Variants in DOK6 observed in about 807,000 individuals in gnomAD.
The protein encoded by DOK6 is downstream of tyrosine kinase 6.
A neutral mutation model predicts 44.0 loss-of-function variants in DOK6; 22 were observed. The ratio of observed to expected loss-of-function variants is 0.50; its 90% CI spans 0.36 to 0.71. The LOEUF (loss-of-function observed/expected upper bound fraction) is 0.71, where lower values mean the gene tolerates loss of function less well. DOK6 is among the 30% of genes least tolerant of loss of function. The pLI, the probability that DOK6 is intolerant of heterozygous loss-of-function variation, is 0.00. For synonymous variants in DOK6, 166 were observed against 145.5 expected, an observed-to-expected ratio of 1.14 and a Z score of -1.01; for missense variants, 340 against 416.4, an observed-to-expected ratio of 0.82 and a Z score of 1.60.
chr18:69,706,399 A>T (rs1475217382), intron 5 of DOK6, among the ~76,000 whole-genome samples: 1 of 152,184 alleles, frequency 6.6e-6, no homozygotes, highest in African/African-American at 2.4e-5. Flanking sequence ...TTACAACCGA[A>T]AGTTTTCTAA....
chr18:69,600,548 C>T (rs1205540017), intron 3 of DOK6, among the ~76,000 whole-genome samples: 10 of 152,060 alleles, frequency 6.6e-5, no homozygotes, highest in African/African-American at 2.4e-4. Context: ...TACCCCCTGT[C>T]CCAACCTTGC....
intron 1 of DOK6, among the ~76,000 whole-genome samples, chr18:69,438,311 G>C (rs1180917912): frequency 6.6e-6 from 1 of 152,176 alleles, no homozygotes; most frequent in Admixed American, 6.5e-5. Flanking sequence ...TTCATCATGA[G>C]TAGATTCCAT....
Position 69,528,188 on chromosome 18 carries a change from C to T in DOK6, c.67-36299C>T, listed in dbSNP as rs527475706. Among the ~76,000 whole-genome samples the T allele has an allele frequency of 5.0e-4, 75 of 151,350 alleles. 1 individual carries two copies. The highest frequency in any genetic ancestry group is 1.8e-3 in the African/African-American group (75 of 41,300). ...AAAAAAAAAAAAAAAAAAGCTTCAC[C>T]TTACAGATGCAGAAACTAAGATGCA... On this transcript the variant is annotated intron_variant, in intron 1 of 7. Coordinates refer to ENST00000382713, the MANE Select transcript of DOK6 (RefSeq NM_152721.6).
At chr18:69,787,859 C>T (rs1980479262) in intron 7 of DOK6, among the ~76,000 whole-genome samples, 1 of 152,184 alleles carries the variant, frequency 6.6e-6, no homozygotes, top group Non-Finnish European at 1.5e-5. Context: ...TGCAATTAAT[C>T]TGCTTTCTCC....
At chr18:69,687,844 A>T (rs1568333790) in intron 4 of DOK6, among the ~76,000 whole-genome samples, 1 of 152,166 alleles carries the variant, frequency 6.6e-6, no homozygotes, top group Non-Finnish European at 1.5e-5. Flanking sequence ...TTCTAATCAA[A>T]CTTTTTACTG....
rs1410206466 is a variant in DOK6 at position 69,811,529 on chromosome 18, T to TAC, written c.857-29714_857-29713insCA. On this transcript the variant is annotated intron_variant, in intron 7 of 7. Transcript: ENST00000382713. ...AGCTTGATTTAACCATTCCATTATA[T>TAC]ATATATATATATATATATATATATA... is the stretch of plus-strand genomic sequence containing the variant. Among the ~76,000 whole-genome samples the TAC allele has an allele frequency of 3.9e-3, 33 of 8,420 alleles. 2 individuals are homozygous for TAC. The highest frequency in any genetic ancestry group is 7.7e-3 in the African/African-American group (32 of 4,144). The allele number at this position is 8,420 out of a possible 152,430, so 5.5% of individuals were successfully genotyped here. A position where few individuals can be genotyped will look rare whatever the true frequency, so the allele number is the denominator to read the frequency against.
At chr18:69,774,133 G>GATATATATATATATATGAGATATATAT (rs1979980513) in intron 7 of DOK6, among the ~76,000 whole-genome samples, 847 of 66,860 alleles carry the variant, frequency 0.013, 29 homozygotes, top group African/African-American at 0.033. Context: ...ATATATATGA[G>GATATATATATATATATGAGATATATAT]ATATATATAT....
At chr18:69,503,734 T>G (rs572892398) in intron 1 of DOK6, among the ~76,000 whole-genome samples, 1 of 152,064 alleles carries the variant, frequency 6.6e-6, no homozygotes, top group South Asian at 2.1e-4. Context: ...AAGAAAAAAT[T>G]TTAATTCCAG....
intron 1 of DOK6, among the ~76,000 whole-genome samples, chr18:69,407,542 T>C (rs901719517): frequency 2.0e-5 from 3 of 152,226 alleles, no homozygotes; most frequent in Non-Finnish European, 4.4e-5. Flanking sequence ...AACATTTTCA[T>C]TAACTTTCTG....
At chr18:69,568,261 A>T (rs573511556) in intron 2 of DOK6, among the ~76,000 whole-genome samples, 3 of 152,306 alleles carry the variant, frequency 2.0e-5, no homozygotes, top group African/African-American at 7.2e-5. Flanking sequence ...CCAGGTAATG[A>T]GCCTTCCCGT....
chr18:69,477,798 A>G (rs1980308160), intron 1 of DOK6, among the ~76,000 whole-genome samples: 2 of 152,222 alleles, frequency 1.3e-5, no homozygotes, highest in African/African-American at 4.8e-5. Context: ...ATAACCTTAC[A>G]TATTAGCATG....
chr18:69,435,198 T>C (rs1978943557), intron 1 of DOK6, among the ~76,000 whole-genome samples: 2 of 152,164 alleles, frequency 1.3e-5, no homozygotes, highest in Admixed American at 1.3e-4. Flanking sequence ...GGGATGGGCC[T>C]TCAGAGTTGT....
At chr18:69,641,369 T>C (rs1012095406) in intron 3 of DOK6, among the ~76,000 whole-genome samples, 1 of 152,250 alleles carries the variant, frequency 6.6e-6, no homozygotes, top group African/African-American at 2.4e-5. Context: ...TTTTTATATT[T>C]GAACAATAGC....
At chr18:69,780,792 G>C (rs936875708) in intron 7 of DOK6, among the ~76,000 whole-genome samples, 1 of 152,156 alleles carries the variant, frequency 6.6e-6, no homozygotes, top group Non-Finnish European at 1.5e-5. Flanking sequence ...ACTGAGCTGA[G>C]ATTTTAAGTG....
chr18:69,450,438 T>G (rs1979427639), intron 1 of DOK6, among the ~76,000 whole-genome samples: 1 of 97,440 alleles, frequency 1.0e-5, no homozygotes, highest in South Asian at 4.5e-4. Flanking sequence ...GTCTGATTGG[T>G]GTACCTGAAA....
chr18:69,621,750 A>G (rs9949514), intron 3 of DOK6, among the ~76,000 whole-genome samples: 31,311 of 152,124 alleles, frequency 0.21, 3,924 homozygotes, highest in East Asian at 0.41. Flanking sequence ...AGCTTTAATG[A>G]GAGATGTGAA....
intron 2 of DOK6, among the ~76,000 whole-genome samples, chr18:69,598,620 A>G (rs903214339): frequency 6.6e-6 from 1 of 152,134 alleles, no homozygotes; most frequent in African/African-American, 2.4e-5. Flanking sequence ...GAATATTATT[A>G]TTGCAATGTT....
intron 7 of DOK6, among the ~76,000 whole-genome samples, chr18:69,770,993 C>T (rs1357236499): frequency 6.6e-6 from 1 of 151,986 alleles, no homozygotes; most frequent in Non-Finnish European, 1.5e-5. Flanking sequence ...TTCCCTTAAA[C>T]AATTTCTGTA....
chr18:69,644,038 T>G (rs747405040), intron 3 of DOK6, among the ~76,000 whole-genome samples: 2 of 152,224 alleles, frequency 1.3e-5, no homozygotes, highest in African/African-American at 2.4e-5. Context: ...TTATTTGCCA[T>G]CCATATATCC....
Sources: allele counts gnomAD v4.1 joint callset (sites outside exome capture counted in the v4.1 genomes callset), GRCh38; gene constraint gnomAD v4.1.1; transcripts MANE v1.5; gene names NCBI Gene and HGNC (gene_info 2026-07-23, HGNC 2026-07-21).